Variants in RBFOX1 observed in about 807,000 individuals in gnomAD.
RBFOX1 encodes the protein RNA binding protein fox-1 homolog 1.
A neutral mutation model predicts 57.7 loss-of-function variants in RBFOX1; 8 were observed. The ratio of observed to expected loss-of-function variants is 0.14; its 90% CI spans 0.08 to 0.25. The LOEUF is 0.25. RBFOX1 is among the 10% of genes least tolerant of loss of function. RBFOX1 has a pLI of 1.00. For missense variants in RBFOX1, 611 were observed against 548.5 expected, an observed-to-expected ratio of 1.11 and a Z score of -1.14; for synonymous variants, 326 against 222.4, an observed-to-expected ratio of 1.47 and a Z score of -4.15.
chr16:7,410,082 G>A (rs1041130976), intron 4 of RBFOX1, among the ~76,000 whole-genome samples: 3 of 152,086 alleles, frequency 2.0e-5, no homozygotes, highest in Non-Finnish European at 4.4e-5. Context: ...TGATGATGAT[G>A]ATAGTAGTAG....
At chr16:6,543,671 G>A (rs62015469) in intron 2 of RBFOX1, among the ~76,000 whole-genome samples, 43,492 of 152,046 alleles carry the variant, frequency 0.29, 7,247 homozygotes, top group Middle Eastern at 0.43. Flanking sequence ...CACCTTGGCA[G>A]GGGAGGAGAG....
chr16:5,976,368 C>T (rs1252502225), intron 4 of RBFOX1, among the ~76,000 whole-genome samples: 2 of 152,094 alleles, frequency 1.3e-5, no homozygotes, highest in Admixed American at 6.6e-5. Context: ...TAAAATGTTA[C>T]ATAATGTGTT....
intron 2 of RBFOX1, among the ~76,000 whole-genome samples, chr16:5,571,892 A>C (rs1434669880): frequency 6.6e-6 from 1 of 152,184 alleles, no homozygotes; most frequent in Non-Finnish European, 1.5e-5. Context: ...GGTCCGTAGC[A>C]CCAAAGTGCT....
chr16:7,413,238 T>C (rs1432883745), intron 4 of RBFOX1, among the ~76,000 whole-genome samples: 6 of 152,046 alleles, frequency 3.9e-5, no homozygotes, highest in Non-Finnish European at 8.8e-5. Context: ...CCCAGAAGCA[T>C]TGGTAACCTC....
intron 3 of RBFOX1, among the ~76,000 whole-genome samples, chr16:6,999,655 C>T (rs1343982702): frequency 6.6e-6 from 1 of 152,008 alleles, no homozygotes; most frequent in Non-Finnish European, 1.5e-5. Flanking sequence ...CTCCCTTCCC[C>T]ATCAATATTT....
chr16:7,581,661 C>A (rs768795896), intron 6 of RBFOX1, among the ~76,000 whole-genome samples: 5 of 152,088 alleles, frequency 3.3e-5, no homozygotes, highest in Non-Finnish European at 5.9e-5. Context: ...GGAGCAAGAT[C>A]TTGCCAAAAA....
intron 3 of RBFOX1, among the ~76,000 whole-genome samples, chr16:7,022,122 G>A (rs2039482782): frequency 7.0e-6 from 1 of 142,756 alleles, no homozygotes; most frequent in South Asian, 2.4e-4. Context: ...GAGTGTGGTG[G>A]AGCAATCTCC....
At chr16:7,491,306 T>C (rs1434233929) in intron 4 of RBFOX1, among the ~76,000 whole-genome samples, 5 of 151,656 alleles carry the variant, frequency 3.3e-5, no homozygotes, top group African/African-American at 9.6e-5. Flanking sequence ...TGCTTTGCTA[T>C]TTAATGCAAC....
chr16:7,263,806 G>A (rs1370035039), intron 4 of RBFOX1, among the ~76,000 whole-genome samples: 5 of 151,882 alleles, frequency 3.3e-5, no homozygotes, highest in East Asian at 3.9e-4. Context: ...AGGCTGAGGC[G>A]GGAGAATCGC....
At chr16:5,292,194 C>G (rs868253547) in intron 1 of RBFOX1, among the ~76,000 whole-genome samples, 1 of 152,152 alleles carries the variant, frequency 6.6e-6, no homozygotes, top group African/African-American at 2.4e-5. Context: ...GCCAGTGTTA[C>G]TATAATAGTT....
rs865820072 is a variant in RBFOX1 at position 5,968,470 on chromosome 16, T to C, written c.351+101135T>C. 7.2e-5 allele frequency among the ~76,000 whole-genome samples: 11 copies of C among 152,354 alleles called. No homozygotes were observed. In the South Asian group the frequency reaches 1.4e-3, roughly 20 times the overall value. ...TATATCCTTTCTGTGTGTAGGTGAC[T>C]TGTGTTGGATGTAGAACACGTGGGT... On this transcript the variant is annotated intron_variant, in intron 4 of 19. Transcript: ENST00000641259.
chr16:7,197,522 T>C (rs76898790), intron 4 of RBFOX1, among the ~76,000 whole-genome samples: 6,751 of 151,080 alleles, frequency 0.045, 479 homozygotes, highest in African/African-American at 0.16. Context: ...GGCCATGCCT[T>C]AAAAAAAGTT....
intron 3 of RBFOX1, among the ~76,000 whole-genome samples, chr16:5,729,396 C>CTTTTTTTTTTTTTTT (rs71142649): frequency 9.0e-6 from 1 of 111,480 alleles, no homozygotes; most frequent in Non-Finnish European, 1.8e-5. Context: ...TTTTTCTTTT[C>CTTTTTTTTTTTTTTT]TTTTTTTTTT....
intron 1 of RBFOX1, among the ~76,000 whole-genome samples, chr16:5,249,044 C>T (rs1596302257): frequency 6.8e-6 from 1 of 146,104 alleles, no homozygotes; most frequent in African/African-American, 2.5e-5. Context: ...GAGAAGGGGG[C>T]TGTGGGGCAG....
chr16:6,707,141 T>C (rs1847736788), intron 3 of RBFOX1, among the ~76,000 whole-genome samples: 1 of 152,174 alleles, frequency 6.6e-6, no homozygotes, highest in Non-Finnish European at 1.5e-5. Context: ...ATGTGATTTC[T>C]ATTTGCAAAA....
chr16:5,358,800 C>T (rs1350193740), intron 1 of RBFOX1, among the ~76,000 whole-genome samples: 1 of 152,162 alleles, frequency 6.6e-6, no homozygotes. Flanking sequence ...GCACTCTAGC[C>T]TGTGTGACAA....
At chr16:5,986,399 A>G (rs1020092412) in intron 4 of RBFOX1, among the ~76,000 whole-genome samples, 4 of 152,218 alleles carry the variant, frequency 2.6e-5, no homozygotes, top group Non-Finnish European at 4.4e-5. Flanking sequence ...GTACATTCAC[A>G]GGCAGTTCTG....
intron 4 of RBFOX1, among the ~76,000 whole-genome samples, chr16:5,885,331 A>C (rs891901333): frequency 2.0e-4 from 30 of 152,130 alleles, no homozygotes; most frequent in Admixed American, 1.1e-3. Context: ...AAAAAAAAAA[A>C]AAAAAACTCC....
At chr16:7,510,262 A>T in intron 4 of RBFOX1, 1 of 985,964 alleles carries the variant, frequency 1.0e-6, no homozygotes. Flanking sequence ...GTGTGGGACA[A>T]GAACAGCTGC....
Sources: gnomAD v4.1 joint callset for allele counts (sites outside exome capture counted in the v4.1 genomes callset) on GRCh38, gnomAD v4.1.1 for gene constraint, MANE v1.5 for transcripts, NCBI Gene and HGNC (gene_info 2026-07-23, HGNC 2026-07-21) for gene names.